USH2A: variants seen among roughly 807,000 people sequenced by gnomAD.
USH2A encodes the protein usherin, also known as Usher syndrome 2A (autosomal recessive, mild).
In USH2A, 443 loss-of-function variants were observed where a neutral mutation model predicts 538.9. The ratio of observed to expected loss-of-function variants is 0.82; its 90% confidence interval spans 0.76 to 0.89. USH2A has a LOEUF of 0.89. USH2A is among the 40% of genes least tolerant of loss of function. The probability of loss-of-function intolerance (pLI) is 0.00; values close to 1 mark genes in which losing one functional copy is unlikely to be tolerated. For missense variants in USH2A, 6,633 were observed against 6,324.8 expected (o/e 1.05, Z -1.65); for synonymous variants, 2,413 against 2,273.5 (o/e 1.06, Z -1.75).
At chr1:216,181,633 C>T (rs548973429) in intron 20 of USH2A, among the ~76,000 whole-genome samples, 1 of 152,198 alleles carries the variant, frequency 6.6e-6, no homozygotes, top group East Asian at 1.9e-4. Flanking sequence ...TTCTAAACTG[C>T]ACATATAGCA....
rs1191084342 is a variant in USH2A, at chr1:216,355,378, G to GAAAGAAAGAAAGAAAGAAAGAAAGAAA, written c.784+9574_784+9575insTTTCTTTCTTTCTTTCTTTCTTTCTTT. ...AAGAAAGAAAGAAAGAAAGAAAGAA[G>GAAAGAAAGAAAGAAAGAAAGAAAGAAA]GAAAGAAACATATAGTATACAAGAA... On this transcript the variant is annotated intron_variant, in intron 4 of 71. Coordinates refer to ENST00000307340, the MANE Select transcript of USH2A (RefSeq NM_206933.4). Among the ~76,000 whole-genome samples, 778 of 112,932 alleles carry GAAAGAAAGAAAGAAAGAAAGAAAGAAA rather than the reference G, an allele frequency of 6.9e-3. 47 individuals are homozygous for GAAAGAAAGAAAGAAAGAAAGAAAGAAA. Among genetic ancestry groups the GAAAGAAAGAAAGAAAGAAAGAAAGAAA allele is most frequent in the African/African-American group, 0.012 (346 of 29,070 alleles). The allele number at this position is 112,932 out of a possible 152,430, so 74.1% of individuals were successfully genotyped here.
intron 11 of USH2A, among the ~76,000 whole-genome samples, chr1:216,267,554 C>A (rs1049896919): frequency 6.6e-6 from 1 of 152,014 alleles, no homozygotes; most frequent in Admixed American, 6.6e-5. Flanking sequence ...AATAATGGAA[C>A]GGATGGGAGA....
intron 20 of USH2A, among the ~76,000 whole-genome samples, chr1:216,177,479 A>G (rs943810375): frequency 6.6e-6 from 1 of 152,172 alleles, no homozygotes; most frequent in Non-Finnish European, 1.5e-5. Context: ...ACAAAATAAC[A>G]AGCCTGTGAG....
chr1:215,776,732 A>G (rs1661480033), intron 55 of USH2A, among the ~76,000 whole-genome samples: 1 of 152,212 alleles, frequency 6.6e-6, no homozygotes, highest in South Asian at 2.1e-4. Context: ...AAATTTGATT[A>G]TTTTAGTTCA....
chr1:216,411,085 A>G (rs115439854), intron 3 of USH2A, among the ~76,000 whole-genome samples: 26 of 140,524 alleles, frequency 1.9e-4, no homozygotes, highest in African/African-American at 6.2e-4. Flanking sequence ...AGTTCCATTT[A>G]AAAAAAAAAT....
intron 3 of USH2A, among the ~76,000 whole-genome samples, chr1:216,400,244 T>A (rs2039283852): frequency 6.7e-6 from 1 of 148,462 alleles, no homozygotes; most frequent in Admixed American, 6.7e-5. Flanking sequence ...ATATAAAAGA[T>A]CCAAACGGAA....
At chr1:216,259,740 A>T (rs2036331630) in intron 11 of USH2A, among the ~76,000 whole-genome samples, 1 of 152,146 alleles carries the variant, frequency 6.6e-6, no homozygotes, top group Non-Finnish European at 1.5e-5. Context: ...ATCTGAATAC[A>T]TTTACTAAAA....
At chr1:216,048,351 G>A (rs2030607472) in intron 31 of USH2A, among the ~76,000 whole-genome samples, 183 bp downstream of exon 31, 1 of 152,114 alleles carries the variant, frequency 6.6e-6, no homozygotes, top group Non-Finnish European at 1.5e-5. Context: ...GTCATTAAAG[G>A]GTATGGAGTT....
intron 47 of USH2A, among the ~76,000 whole-genome samples, chr1:215,824,570 G>T (rs1331770334): frequency 6.6e-6 from 1 of 152,106 alleles, no homozygotes; most frequent in Non-Finnish European, 1.5e-5. Context: ...GTGTGGTGCT[G>T]CTGAACAGCC....
chr1:216,270,264 C>G (rs553290913), intron 11 of USH2A, among the ~76,000 whole-genome samples: 2 of 151,918 alleles, frequency 1.3e-5, no homozygotes, highest in South Asian at 4.2e-4. Context: ...TATTGCTAAA[C>G]AAAGTAAAAA....
chr1:215,754,036 G>A (rs1660711727), intron 58 of USH2A, among the ~76,000 whole-genome samples: 2 of 152,318 alleles, frequency 1.3e-5, no homozygotes, highest in South Asian at 4.1e-4. Context: ...CAGTAGACCT[G>A]AATTTGAATC....
rs2030617522 is a variant in USH2A, at chr1:216,048,524, ATTACT to A, written c.6163+5_6163+9del. On this transcript the variant is annotated splice_donor_5th_base_variant and intron_variant, in intron 31 of 71. Coordinates refer to ENST00000307340, the MANE Select transcript of USH2A (RefSeq NM_206933.4). Reference sequence around the variant, plus strand: ...AAATGTGGAAGTCAAGACCTTTGAAATTACTTTACCTTCTTGTGGAGTAGAGATGT... The same window carrying A: ...AAATGTGGAAGTCAAGACCTTTGAAATTACCTTCTTGTGGAGTAGAGATGT... 6.2e-7 allele frequency: 1 copy of A among 1,611,996 alleles called. No individual in the cohort carries two copies. Among genetic ancestry groups the A allele is most frequent in the African/African-American group, 1.3e-5 (1 of 74,878 alleles).
chr1:215,984,475 C>T (rs1558195015), intron 35 of USH2A, among the ~76,000 whole-genome samples: 3 of 152,162 alleles, frequency 2.0e-5, no homozygotes, highest in Non-Finnish European at 4.4e-5. Flanking sequence ...TTTCTGTTTC[C>T]ATAATGATAG....
At chr1:216,028,398 G>GAATAAATA (rs139586999) in intron 32 of USH2A, among the ~76,000 whole-genome samples, 11 of 150,366 alleles carry the variant, frequency 7.3e-5, no homozygotes, top group African/African-American at 2.2e-4. Flanking sequence ...ATAAATAAAT[G>GAATAAATA]AATAAATAAA....
rs2037015563 is a variant in USH2A at position 216,292,240 on chromosome 1, G to A, written c.1775C>T (p.Pro592Leu). 1 of 1,614,054 alleles carries A rather than the reference G, an allele frequency of 6.2e-7. No individual in the cohort carries two copies. The highest frequency in any genetic ancestry group is 8.5e-7 in the Non-Finnish European group (1 of 1,179,978). Residue 592 changes from proline (P) to leucine (L), a missense_variant, in exon 10 of 72, where the codon CCA becomes CTA. Physicochemically the swap from Pro to Leu is moderately conservative, Grantham distance 98. Coordinates refer to ENST00000307340, the MANE Select transcript of USH2A (RefSeq NM_206933.4). ...KSCHYNISVDPFPFEHFRGGG... is the reference protein window; with the variant it reads ...KSCHYNISVDLFPFEHFRGGG... ...CCCTCTGAAGTGCTCAAAAGGAAAT[G>A]GGTCTACAGAGATGTTGTAATGGCA...
chr1:216,327,772 G>A, intron 4 of USH2A, 118 bp from the exon 5 acceptor site: 2 of 1,249,634 alleles, frequency 1.6e-6, no homozygotes, highest in Middle Eastern at 2.0e-4. Context: ...TTATGTCACT[G>A]CCCTTTGAAA....
rs953931387 is a variant in USH2A, at chr1:216,362,904, A to T, written c.784+2049T>A. On this transcript the variant is annotated intron_variant, in intron 4 of 71. Transcript: ENST00000307340. ...CAGAGAGCCGAGATTGCACCACTGC[A>T]CTCCAGCCTGGGCGACAAGAGCGAA... Among the ~76,000 whole-genome samples the T allele has an allele frequency of 5.3e-5, 8 of 151,338 alleles. No homozygotes were observed. The South Asian group carries it at 1.5e-3, about 28-fold the overall frequency.
rs533647021 is a variant in USH2A, at chr1:216,129,948, A to G, written c.4628-32735T>C. ...GTTTTGACAAAAGTGTGAACAACAT[A>G]CCTTAGGGAGAATACAGTCTCATTA... On this transcript the variant is annotated intron_variant, in intron 21 of 71. Transcript: ENST00000307340. 5.9e-5 allele frequency among the ~76,000 whole-genome samples: 9 copies of G among 152,164 alleles called. No individual in the cohort carries two copies. In the East Asian group the frequency reaches 1.2e-3, roughly 20 times the overall value.
intron 61 of USH2A, among the ~76,000 whole-genome samples, chr1:215,711,842 A>G (rs11799427): frequency 0.44 from 67,097 of 152,012 alleles, 15,081 homozygotes; most frequent in Middle Eastern, 0.57. Flanking sequence ...TCCTCACCCT[A>G]TTCACACTTC....
Sources: gnomAD v4.1 joint callset for allele counts (sites outside exome capture counted in the v4.1 genomes callset) on GRCh38, gnomAD v4.1.1 for gene constraint, MANE v1.5 for transcripts, NCBI Gene and HGNC (gene_info 2026-07-23, HGNC 2026-07-21) for gene names.